The following MUC5AC variants were observed in gnomAD, a reference collection of about 807,000 sequenced individuals.
MUC5AC encodes the protein mucin 5AC, oligomeric mucus/gel-forming.
Under a neutral mutation model 169.7 loss-of-function variants are expected in MUC5AC, and 158 were observed. The observed-to-expected ratio is 0.93, with a 90% CI of 0.82 to 1.06. The LOEUF (loss-of-function observed/expected upper bound fraction) is 1.06, where lower values mean the gene tolerates loss of function less well. MUC5AC is among the 50% of genes least tolerant of loss of function. The pLI is 0.00. For missense variants in MUC5AC, 4,359 were observed against 3,089.9 expected, an observed-to-expected ratio of 1.41 and a Z score of -9.74; for synonymous variants, 1,975 against 1,237.0, an observed-to-expected ratio of 1.60 and a Z score of -12.52.
Position 1,196,796 on chromosome 11 carries a change from C to A in MUC5AC, c.15829+76C>A, listed in dbSNP as rs1452198950. 1.2e-5 allele frequency: 9 copies of A among 736,214 alleles called. No homozygotes were observed. In the East Asian group the frequency reaches 2.3e-4, roughly 19 times the overall value. 45.6% of individuals were successfully genotyped at this position (736,214 alleles called of 1,614,324 possible). On this transcript the variant is annotated intron_variant, in intron 39 of 48. Coordinates refer to ENST00000621226, the MANE Select transcript of MUC5AC (RefSeq NM_001304359.2). The stretch of plus-strand genomic sequence containing the variant: ...CTGTTGGCCAGGTCCTGGGGTCTAC[C>A]CTGGCCCCAATATGGGACCCTGCCT...
chr11:1,169,090 G>A, intron 15 of MUC5AC, 64 bp downstream of exon 15: 1 of 1,478,954 alleles, frequency 6.8e-7, no homozygotes, highest in Non-Finnish European at 9.0e-7. Flanking sequence ...GCTTCCATTT[G>A]GCACTGCAGG....
Position 1,174,522 on chromosome 11 carries a change from T to G in MUC5AC, c.1992T>G (p.Cys664Trp). 1 of 1,562,794 alleles carries G rather than the reference T, an allele frequency of 6.4e-7. No individual in the cohort carries two copies. Among genetic ancestry groups the G allele is most frequent in the South Asian group, 1.2e-5 (1 of 84,888 alleles). Reference protein sequence around the residue: ...YSNCMFDTCNCERSEDCLCAA... With the variant: ...YSNCMFDTCNWERSEDCLCAA... ...ACTGCATGTTTGACACCTGCAACTG[T>G]GAGCGGAGCGAGGACTGCCTGTGCG... The change falls in exon 17 of 49, where the codon TGT (cysteine) becomes TGG (tryptophan). Residue 664 changes from cysteine (C) to tryptophan (W), a missense_variant. By Grantham distance (215) the Cys-to-Trp change is radical. Coordinates refer to ENST00000621226, the MANE Select transcript of MUC5AC (RefSeq NM_001304359.2).
At chr11:1,199,802 C>T (rs755648294) in intron 47 of MUC5AC, 38 bp downstream of exon 47, 57 of 731,522 alleles carry the variant, frequency 7.8e-5, no homozygotes, top group Non-Finnish European at 1.3e-4. Flanking sequence ...GGGCTCCACC[C>T]TCAGAGGTCT....
At chr11:1,173,920 C>A (rs1044848597) in intron 16 of MUC5AC, among the ~76,000 whole-genome samples, 7 of 151,958 alleles carry the variant, frequency 4.6e-5, no homozygotes, top group African/African-American at 1.7e-4. Context: ...CTCACTTACT[C>A]ATCCACTCAC....
rs377706617 is a variant in MUC5AC, at chr11:1,192,416, C to T, written c.14271C>T (p.Ser4757=). The T allele has an allele frequency of 1.4e-4, 105 of 765,150 alleles. No individual in the cohort carries two copies. The highest frequency in any genetic ancestry group is 6.4e-4 in the African/African-American group (38 of 59,270). 47.4% of individuals were successfully genotyped at this position (765,150 alleles called of 1,614,324 possible). ...LYPSLSTSMV[S]ASVASTSVAS... is the part of the protein sequence containing the mutation. ...CTTCCCTGTCTACTTCCATGGTATC[C>T]GCCTCCGTGGCATCCACCTCTGTGG... is the stretch of plus-strand genomic sequence containing the variant. The change falls in exon 31 of 49, where the codon TCC becomes TCT. Residue 4757 remains serine (S), a synonymous_variant. Coordinates refer to ENST00000621226, the MANE Select transcript of MUC5AC (RefSeq NM_001304359.2).
chr11:1,165,296 C>T lies in MUC5AC; in HGVS notation c.1130-6C>T. The T allele has an allele frequency of 6.2e-7, 1 of 1,610,838 alleles. No individual in the cohort carries two copies. The highest frequency in any genetic ancestry group is 2.2e-5 in the East Asian group (1 of 44,860). On this transcript the variant is annotated splice_polypyrimidine_tract_variant and splice_region_variant and intron_variant, in intron 9 of 48. Coordinates refer to ENST00000621226, the MANE Select transcript of MUC5AC (RefSeq NM_001304359.2). ...CGCCCGTCATAGGCCTGCCTGACCCCTGCAGGGACGGTGCTTGACGACATC... is the reference window on the plus strand; with the variant it reads ...CGCCCGTCATAGGCCTGCCTGACCCTTGCAGGGACGGTGCTTGACGACATC...
rs758130288 is a variant in MUC5AC at position 1,192,818 on chromosome 11, C to T, written c.14416C>T (p.His4806Tyr). The T allele has an allele frequency of 6.5e-6, 5 of 763,888 alleles. No individual in the cohort carries two copies. The highest frequency in any genetic ancestry group is 1.2e-5 in the Non-Finnish European group (5 of 416,944). The allele number at this position is 763,888 out of a possible 1,614,324, so 47.3% of individuals were successfully genotyped here. Residue 4806 changes from histidine (H) to tyrosine (Y), a missense_variant, in exon 32 of 49, where the codon CAT (histidine) becomes TAT (tyrosine). Physicochemically the swap from His to Tyr is moderately conservative, Grantham distance 83. Transcript: ENST00000621226. Reference protein sequence around the residue: ...TIYRHRDLAGHCYYALCSQDC... With the variant: ...TIYRHRDLAGYCYYALCSQDC... Reference sequence around the variant, plus strand: ...ATACCGCCACAGAGACCTCGCTGGCCATTGCTATTATGCCCTGTGTAGCCA... The same window carrying T: ...ATACCGCCACAGAGACCTCGCTGGCTATTGCTATTATGCCCTGTGTAGCCA...
chr11:1,173,964 C>A (rs1429143465), intron 16 of MUC5AC, among the ~76,000 whole-genome samples: 1 of 152,202 alleles, frequency 6.6e-6, no homozygotes, highest in Non-Finnish European at 1.5e-5. Flanking sequence ...CTCACTCATT[C>A]ACTCATTTAC....
In MUC5AC at chr11:1,185,620, C is replaced by A; in HGVS notation, c.7475C>A (p.Pro2492His). Residue 2492 changes from proline (P) to histidine (H), a missense_variant, in exon 31 of 49, where the codon CCT (proline) becomes CAT (histidine). By Grantham distance (77) the Pro-to-His change is moderately conservative. Coordinates refer to ENST00000621226, the MANE Select transcript of MUC5AC (RefSeq NM_001304359.2). ...TSTTSGPETTPRPVPTTSTTS... is the reference protein window; with the variant it reads ...TSTTSGPETTHRPVPTTSTTS... ...ACAACCTCTGGTCCTGAAACTACTC[C>A]TAGACCTGTTCCTACCACCAGCACA... 1.4e-6 allele frequency: 1 copy of A among 733,662 alleles called. No individual in the cohort carries two copies. The highest frequency in any genetic ancestry group is 2.5e-6 in the Non-Finnish European group (1 of 401,924). 45.4% of individuals were successfully genotyped at this position (733,662 alleles called of 1,614,324 possible).
rs2133764549 is a variant in MUC5AC, at chr11:1,189,806, A to C, written c.11661A>C (p.Thr3887=). ...TSTTSFHTTS[T]TSPPTSSTSS... ...CAACCTCTTTCCATACAACCAGCAC[A>C]ACCTCTCCCCCTACAAGCAGCACAA... The change falls in exon 31 of 49, where the codon ACA becomes ACC. Residue 3887 remains threonine, a synonymous_variant. Coordinates refer to ENST00000621226, the MANE Select transcript of MUC5AC (RefSeq NM_001304359.2). The C allele has an allele frequency of 1.4e-6, 1 of 730,810 alleles. No homozygotes were observed. Among genetic ancestry groups the C allele is most frequent in the African/African-American group, 1.7e-5 (1 of 58,452 alleles). The allele number at this position is 730,810 out of a possible 1,614,324, so 45.3% of individuals were successfully genotyped here.
At position 1,196,883 on chromosome 11, in the gene MUC5AC, T is replaced by C. The variant is rs750121312; in HGVS notation, c.15836T>C (p.Leu5279Pro). The C allele has an allele frequency of 1.7e-5, 13 of 763,282 alleles. No individual in the cohort carries two copies. The highest frequency in any genetic ancestry group is 3.1e-5 in the Non-Finnish European group (13 of 417,274). 47.3% of individuals were successfully genotyped at this position (763,282 alleles called of 1,614,324 possible). A position where few individuals can be genotyped will look rare whatever the true frequency, so the allele number is the denominator to read the frequency against. Residue 5279 changes from leucine to proline, a missense_variant, in exon 40 of 49, where the codon CTG becomes CCG. By Grantham distance (98) the Leu-to-Pro change is moderately conservative. Coordinates refer to ENST00000621226, the MANE Select transcript of MUC5AC (RefSeq NM_001304359.2). Reference protein sequence around the residue: ...VCVPTGCPRCLGPHGEPVKVG... With the variant: ...VCVPTGCPRCPGPHGEPVKVG... ...CAGATCTCTCTCCTTCCAGGGTGTC[T>C]GGGGCCCCACGGAGAGCCGGTGAAG...
intron 23 of MUC5AC, 34 bp downstream of exon 23, chr11:1,177,378 G>A (rs1403816266): frequency 4.8e-6 from 2 of 419,032 alleles, no homozygotes; most frequent in African/African-American, 2.0e-5. Context: ...TGCCCTCCAG[G>A]AGGCTCCCAT....
intron 38 of MUC5AC, 24 bp from the exon 39 acceptor site, chr11:1,196,593 C>T (rs529044774): frequency 1.7e-4 from 126 of 761,338 alleles, no homozygotes; most frequent in Non-Finnish European, 2.8e-4. Flanking sequence ...AAAAGGAGAC[C>T]CACCAACCCT....
chr11:1,171,137 TCACTCACC>T (rs1441000627), intron 15 of MUC5AC, among the ~76,000 whole-genome samples: 4 of 133,522 alleles, frequency 3.0e-5, no homozygotes, highest in Admixed American at 7.4e-5. Context: ...TTCACCTCAC[TCACTCACC>T]CACTCACCCA....
rs1860911191 is a variant in MUC5AC, at chr11:1,185,302, C to T, written c.7157C>T (p.Thr2386Ile). The T allele has an allele frequency of 1.5e-6, 1 of 672,460 alleles. No homozygotes were observed. Among genetic ancestry groups the T allele is most frequent in the South Asian group, 1.5e-5 (1 of 65,860 alleles). The allele number at this position is 672,460 out of a possible 1,614,324, so 41.7% of individuals were successfully genotyped here. The change falls in exon 31 of 49, where the codon ACC becomes ATC. Residue 2386 changes from threonine to isoleucine, a missense_variant. Coordinates refer to ENST00000621226, the MANE Select transcript of MUC5AC (RefSeq NM_001304359.2). ...AGCAGCACAACCTCTGCCACTACCACCAGCAGAATCTCTGGTCCTGAAACT... is the reference window on the plus strand; with the variant it reads ...AGCAGCACAACCTCTGCCACTACCATCAGCAGAATCTCTGGTCCTGAAACT... The part of the protein sequence containing the change: ...RTSSTTSATT[T>I]SRISGPETTP...
chr11:1,166,475 AAC>A lies in MUC5AC; in HGVS notation c.1386+721_1386+722del, dbSNP rs527528131. Among the ~76,000 whole-genome samples the A allele has an allele frequency of 1.2e-4, 14 of 119,456 alleles. 1 individual carries two copies. Among genetic ancestry groups the A allele is most frequent in the Admixed American group, 4.3e-4 (5 of 11,602 alleles). 78.4% of individuals were successfully genotyped at this position (119,456 alleles called of 152,430 possible). ...TCTCCCACGATGAGACCCTACACCC[AAC>A]ACACAGTCTCTCCACGATGAGACCC... On this transcript the variant is annotated intron_variant, in intron 11 of 48. Transcript: ENST00000621226.
intron 30 of MUC5AC, 39 bp from the exon 31 acceptor site, chr11:1,182,116 G>C (rs1443572453): frequency 5.0e-6 from 2 of 398,418 alleles, no homozygotes; most frequent in Non-Finnish European, 8.8e-6. Context: ...CCCCAAGTGC[G>C]GGCCTCTCAT....
At position 1,199,400 on chromosome 11, in the gene MUC5AC, C is replaced by T. The variant is rs1243964554; in HGVS notation, c.16425C>T (p.Asn5475=). 4.1e-6 allele frequency: 3 copies of T among 726,546 alleles called. No individual in the cohort carries two copies. The highest frequency in any genetic ancestry group is 7.5e-6 in the Non-Finnish European group (3 of 398,574). The allele number at this position is 726,546 out of a possible 1,614,324, so 45.0% of individuals were successfully genotyped here. ...YPGETWSDAG[N]HCVTHQCEKH... ...GCGAGACCTGGTCAGACGCAGGGAACCACTGTGTGACCCACCAGTGTGAGA... is the reference window on the plus strand; with the variant it reads ...GCGAGACCTGGTCAGACGCAGGGAATCACTGTGTGACCCACCAGTGTGAGA... The change falls in exon 46 of 49, where the codon AAC becomes AAT. Residue 5475 remains asparagine (N), a synonymous_variant. Coordinates refer to ENST00000621226, the MANE Select transcript of MUC5AC (RefSeq NM_001304359.2).
rs777444333 is a variant in MUC5AC at position 1,196,012 on chromosome 11, G to A, written c.15595G>A (p.Asp5199Asn). Residue 5199 changes from aspartate (D) to asparagine (N), a missense_variant, in exon 37 of 49, where the codon GAC (aspartate) becomes AAC (asparagine). By Grantham distance (23) the Asp-to-Asn change is conservative. Coordinates refer to ENST00000621226, the MANE Select transcript of MUC5AC (RefSeq NM_001304359.2). Reference sequence around the variant, plus strand: ...GTACGCGGCACTCTGTGCGTCCCACGACATCTGCATCGATTGGAGAGGCCG... The same window carrying A: ...GTACGCGGCACTCTGTGCGTCCCACAACATCTGCATCGATTGGAGAGGCCG... Reference protein sequence around the residue: ...ELYAALCASHDICIDWRGRTG... With the variant: ...ELYAALCASHNICIDWRGRTG... 2.9e-5 allele frequency: 22 copies of A among 764,792 alleles called. No homozygotes were observed. The highest frequency in any genetic ancestry group is 8.5e-5 in the Admixed American group (5 of 58,996). The allele number at this position is 764,792 out of a possible 1,614,324, so 47.4% of individuals were successfully genotyped here.
Sources: allele counts gnomAD v4.1 joint callset (sites outside exome capture counted in the v4.1 genomes callset), GRCh38; gene constraint gnomAD v4.1.1; transcripts MANE v1.5; gene names NCBI Gene and HGNC (gene_info 2026-07-23, HGNC 2026-07-21).